PDZRN3: variants seen among roughly 807,000 people sequenced by gnomAD.
The protein encoded by PDZRN3 is PDZ domain containing ring finger 3, also known as E3 ubiquitin-protein ligase PDZRN3.
PDZRN3 carries 38 observed loss-of-function variants against 85.7 expected under a neutral mutation model. The ratio of observed to expected loss-of-function variants is 0.44; its 90% confidence interval spans 0.34 to 0.58. The LOEUF (loss-of-function observed/expected upper bound fraction) is 0.58. PDZRN3 is among the 20% of genes least tolerant of loss of function. PDZRN3 has a pLI of 0.01. For synonymous variants in PDZRN3, 759 were observed against 638.0 expected (o/e 1.19, Z -2.86); for missense variants, 1,629 against 1,506.4 (o/e 1.08, Z -1.35).
At chr3:73,566,658 T>C (rs868375769) in intron 3 of PDZRN3, among the ~76,000 whole-genome samples, 17 of 152,184 alleles carry the variant, frequency 1.1e-4, no homozygotes, top group African/African-American at 4.1e-4. Flanking sequence ...AAATCCCAAT[T>C]GGTCCAAGCC....
intron 3 of PDZRN3, among the ~76,000 whole-genome samples, chr3:73,455,071 G>A (rs1702952016): frequency 6.6e-6 from 1 of 152,002 alleles, no homozygotes; most frequent in African/African-American, 2.4e-5. Flanking sequence ...CTTATCATTT[G>A]AAAGTTACCC....
intron 3 of PDZRN3, among the ~76,000 whole-genome samples, chr3:73,405,278 G>T (rs1035399863): frequency 3.9e-5 from 6 of 152,184 alleles, no homozygotes; most frequent in Non-Finnish European, 8.8e-5. Flanking sequence ...CTTTAGAACA[G>T]CTGACATAAG....
chr3:73,527,301 C>T (rs537809450), intron 3 of PDZRN3, among the ~76,000 whole-genome samples: 1 of 152,224 alleles, frequency 6.6e-6, no homozygotes, highest in Non-Finnish European at 1.5e-5. Flanking sequence ...TCCTATCCTC[C>T]GCATAGGATA....
chr3:73,509,584 G>A (rs1396028056), intron 3 of PDZRN3, among the ~76,000 whole-genome samples: 1 of 152,166 alleles, frequency 6.6e-6, no homozygotes. Context: ...GACAAACTAG[G>A]CTTTCAGTCT....
chr3:73,580,004 C>T (rs1702175937), intron 3 of PDZRN3, among the ~76,000 whole-genome samples: 1 of 152,162 alleles, frequency 6.6e-6, no homozygotes, highest in Non-Finnish European at 1.5e-5. Context: ...AAGAAGTCTC[C>T]ACCTATCATT....
intron 3 of PDZRN3, among the ~76,000 whole-genome samples, chr3:73,578,935 A>C (rs746343134): frequency 3.3e-5 from 5 of 152,048 alleles, no homozygotes; most frequent in Non-Finnish European, 7.4e-5. Flanking sequence ...GCCGGTCCCT[A>C]CTCCCTAGAC....
At chr3:73,394,054 T>G (rs1333468761) in intron 5 of PDZRN3, among the ~76,000 whole-genome samples, 1 of 152,232 alleles carries the variant, frequency 6.6e-6, no homozygotes, top group African/African-American at 2.4e-5. Context: ...TTATGACTTT[T>G]TTTTTTAATC....
At chr3:73,525,443 A>G (rs966370732) in intron 3 of PDZRN3, among the ~76,000 whole-genome samples, 5 of 152,160 alleles carry the variant, frequency 3.3e-5, no homozygotes, top group Admixed American at 2.6e-4. Context: ...CACATTTGGG[A>G]GAAGGGAGAG....
At chr3:73,506,180 C>G in intron 3 of PDZRN3, among the ~76,000 whole-genome samples, 1 of 152,166 alleles carries the variant, frequency 6.6e-6, no homozygotes, top group South Asian at 2.1e-4. Context: ...TAACAGGGTG[C>G]AGGTGGTACC....
At chr3:73,545,890 G>A (rs1701411968) in intron 3 of PDZRN3, among the ~76,000 whole-genome samples, 1 of 152,160 alleles carries the variant, frequency 6.6e-6, no homozygotes, top group South Asian at 2.1e-4. Context: ...GGGTTGGTGG[G>A]AGGTGAGGGG....
intron 3 of PDZRN3, among the ~76,000 whole-genome samples, chr3:73,441,734 G>A (rs34273868): frequency 0.084 from 12,746 of 152,160 alleles, 596 homozygotes; most frequent in Middle Eastern, 0.17. Flanking sequence ...ATGCTGAGGC[G>A]GGCAAACAGG....
At chr3:73,416,850 GTT>G (rs1233217783) in intron 3 of PDZRN3, among the ~76,000 whole-genome samples, 1 of 111,630 alleles carries the variant, frequency 9.0e-6, no homozygotes. Flanking sequence ...ACCTGCCTAG[GTT>G]TTTTTTTTGT....
At chr3:73,535,252 A>G (rs554894005) in intron 3 of PDZRN3, among the ~76,000 whole-genome samples, 70 of 152,250 alleles carry the variant, frequency 4.6e-4, no homozygotes, top group Non-Finnish European at 8.2e-4. Flanking sequence ...GGCCTCTGAA[A>G]TTTTCCAAGT....
intron 3 of PDZRN3, among the ~76,000 whole-genome samples, chr3:73,459,080 T>A (rs560517280): frequency 3.3e-5 from 5 of 151,802 alleles, no homozygotes; most frequent in African/African-American, 1.2e-4. Flanking sequence ...CTCAGTAAAC[T>A]GACAATCACG....
At chr3:73,423,109 C>A (rs1702236248) in intron 3 of PDZRN3, among the ~76,000 whole-genome samples, 1 of 152,150 alleles carries the variant, frequency 6.6e-6, no homozygotes, top group African/African-American at 2.4e-5. Context: ...ATATAAAATA[C>A]CATTGTGATT....
chr3:73,614,740 G>T (rs1702735357), intron 1 of PDZRN3, among the ~76,000 whole-genome samples: 1 of 152,190 alleles, frequency 6.6e-6, no homozygotes. Context: ...GGACCAAGAG[G>T]TAGAGCTGGC....
chr3:73,465,129 A>T (rs567529460), intron 3 of PDZRN3, among the ~76,000 whole-genome samples: 10 of 152,300 alleles, frequency 6.6e-5, no homozygotes, highest in Admixed American at 5.9e-4. Context: ...TAGGGTATGC[A>T]CCATCTCTTT....
chr3:73,386,518 A>G (rs1701391048), intron 8 of PDZRN3, among the ~76,000 whole-genome samples: 1 of 152,146 alleles, frequency 6.6e-6, no homozygotes, highest in African/African-American at 2.4e-5. Context: ...AGAGGCCTTT[A>G]TCTGCCTTGC....
intron 3 of PDZRN3, among the ~76,000 whole-genome samples, chr3:73,521,268 T>C (rs1704358276): frequency 6.6e-6 from 1 of 152,172 alleles, no homozygotes; most frequent in Admixed American, 6.5e-5. Context: ...TGGACATCTT[T>C]ACTGGGGCCA....
Sources: gnomAD v4.1 joint callset for allele counts (sites outside exome capture counted in the v4.1 genomes callset) on GRCh38, gnomAD v4.1.1 for gene constraint, MANE v1.5 for transcripts, NCBI Gene and HGNC (gene_info 2026-07-23, HGNC 2026-07-21) for gene names.